ZDHHC14: variants seen among roughly 807,000 people sequenced by gnomAD.
ZDHHC14 encodes palmitoyltransferase ZDHHC14.
Under a neutral mutation model 47.7 loss-of-function variants are expected in ZDHHC14, and 16 were observed. The ratio of observed to expected loss-of-function variants is 0.34; its 90% CI spans 0.23 to 0.51. The LOEUF is 0.51. Among genes scored for constraint, ZDHHC14 ranks in the 20% least tolerant of loss-of-function variants. The pLI, the probability that ZDHHC14 is intolerant of heterozygous loss-of-function variation, is 0.97. For synonymous variants in ZDHHC14, 293 were observed against 278.9 expected, an observed-to-expected ratio of 1.05 and a Z score of -0.50; for missense variants, 515 against 662.5, an observed-to-expected ratio of 0.78 and a Z score of 2.44.
intron 8 of ZDHHC14, among the ~76,000 whole-genome samples, chr6:157,668,814 C>T (rs543173433): frequency 6.6e-6 from 1 of 152,366 alleles, no homozygotes; most frequent in South Asian, 2.1e-4. Context: ...AACTCAAGAG[C>T]ATTTCCAACA....
Position 157,676,314 on chromosome 6 carries a change from T to G in ZDHHC14, c.*3192T>G, listed in dbSNP as rs10945717. On this transcript the variant is annotated 3_prime_UTR_variant, in exon 9 of 9. Transcript: ENST00000359775. ...GCTTTCAAATGTGATGATTTCAGCC[T>G]GTGAGGACAATGCCATGTCCCCACC... The G allele has an allele frequency of 0.021, 3,182 of 152,438 alleles. 74 individuals are homozygous for G. Among genetic ancestry groups the G allele is most frequent in the East Asian group, 0.1 (530 of 5,198 alleles). 9.4% of individuals were successfully genotyped at this position (152,438 alleles called of 1,614,324 possible).
chr6:157,672,267 A>G (rs1197740478), intron 8 of ZDHHC14, among the ~76,000 whole-genome samples: 1 of 152,008 alleles, frequency 6.6e-6, no homozygotes, highest in Admixed American at 6.5e-5. Flanking sequence ...GTCACTTTTG[A>G]CTTTTGACTT....
intron 1 of ZDHHC14, among the ~76,000 whole-genome samples, chr6:157,532,020 G>A (rs1025256212): frequency 6.6e-6 from 1 of 152,248 alleles, no homozygotes; most frequent in African/African-American, 2.4e-5. Flanking sequence ...CCCACCCTGG[G>A]TGAGCAATTG....
chr6:157,635,654 C>T (rs1484853805), intron 5 of ZDHHC14, among the ~76,000 whole-genome samples: 1 of 152,196 alleles, frequency 6.6e-6, no homozygotes, highest in South Asian at 2.1e-4. Flanking sequence ...CGTCTGCACG[C>T]TGCATGGTGT....
chr6:157,541,569 T>C (rs755977712), intron 1 of ZDHHC14, among the ~76,000 whole-genome samples: 3 of 152,200 alleles, frequency 2.0e-5, no homozygotes, highest in Non-Finnish European at 2.9e-5. Flanking sequence ...CTAGCATTGT[T>C]TTCCACGCCA....
chr6:157,587,908 C>G (rs991229137), intron 2 of ZDHHC14, among the ~76,000 whole-genome samples: 7 of 152,126 alleles, frequency 4.6e-5, no homozygotes, highest in African/African-American at 1.4e-4. Flanking sequence ...TAGCTTGAGG[C>G]CAGTTGCTTG....
intron 8 of ZDHHC14, among the ~76,000 whole-genome samples, chr6:157,659,652 C>T (rs1166048740): frequency 2.0e-5 from 3 of 152,200 alleles, no homozygotes; most frequent in Non-Finnish European, 2.9e-5. Flanking sequence ...AACGGTTTTC[C>T]GGTCTCTGAT....
intron 1 of ZDHHC14, among the ~76,000 whole-genome samples, chr6:157,522,591 G>C (rs1780962565): frequency 6.6e-6 from 1 of 151,802 alleles, no homozygotes; most frequent in African/African-American, 2.4e-5. Flanking sequence ...TTAGTGGTAT[G>C]GGTTGGTCCC....
At chr6:157,479,988 G>T (rs570967688) in intron 1 of ZDHHC14, among the ~76,000 whole-genome samples, 53 of 152,338 alleles carry the variant, frequency 3.5e-4, no homozygotes, top group South Asian at 1.9e-3. Flanking sequence ...GATCCTCGAG[G>T]GGGTAGGGGA....
intron 1 of ZDHHC14, among the ~76,000 whole-genome samples, chr6:157,452,194 G>C (rs1170819703): frequency 6.6e-6 from 1 of 151,902 alleles, no homozygotes; most frequent in East Asian, 1.9e-4. Flanking sequence ...AGTTTAACCG[G>C]TATTTCCTAA....
At position 157,621,854 on chromosome 6, in the gene ZDHHC14, C is replaced by A. The variant is rs568732355; in HGVS notation, c.566-6495C>A. Reference sequence around the variant, plus strand: ...TCTGCTTCTCCATATTTTTAAGGCCCCTTTTTCATATTTGATCTCTTCCAG... The same window carrying A: ...TCTGCTTCTCCATATTTTTAAGGCCACTTTTTCATATTTGATCTCTTCCAG... On this transcript the variant is annotated intron_variant, in intron 3 of 8. Coordinates refer to ENST00000359775, the MANE Select transcript of ZDHHC14 (RefSeq NM_024630.3). Among the ~76,000 whole-genome samples, 42 of 152,196 alleles carry A rather than the reference C, an allele frequency of 2.8e-4. No individual in the cohort carries two copies. In the South Asian group the frequency reaches 8.5e-3, roughly 31 times the overall value.
At chr6:157,536,296 C>T (rs1218476576) in intron 1 of ZDHHC14, among the ~76,000 whole-genome samples, 5 of 152,206 alleles carry the variant, frequency 3.3e-5, no homozygotes, top group East Asian at 3.8e-4. Flanking sequence ...TGCTTTCATA[C>T]GTACAGGACA....
intron 1 of ZDHHC14, among the ~76,000 whole-genome samples, chr6:157,495,210 T>G (rs1456055550): frequency 6.6e-6 from 1 of 152,220 alleles, no homozygotes; most frequent in Admixed American, 6.5e-5. Flanking sequence ...CTTCTATTTT[T>G]TGGAGAATTT....
chr6:157,518,102 T>A (rs1030758356), intron 1 of ZDHHC14, among the ~76,000 whole-genome samples: 31 of 152,070 alleles, frequency 2.0e-4, no homozygotes, highest in African/African-American at 7.5e-4. Flanking sequence ...GCTTTGTTTA[T>A]TTTCCTGAAG....
At chr6:157,428,627 G>A (rs1244746643) in intron 1 of ZDHHC14, among the ~76,000 whole-genome samples, 3 of 59,858 alleles carry the variant, frequency 5.0e-5, no homozygotes, top group African/African-American at 1.9e-4. Context: ...CCCCCCGCCC[G>A]CCCCACCCCG....
chr6:157,386,682 G>C (rs1777317999), intron 1 of ZDHHC14, among the ~76,000 whole-genome samples: 1 of 152,264 alleles, frequency 6.6e-6, no homozygotes, highest in South Asian at 2.1e-4. Flanking sequence ...TTTAGGGGAG[G>C]TGGGGAGCCG....
At chr6:157,545,443 G>A (rs192501700) in intron 2 of ZDHHC14, among the ~76,000 whole-genome samples, 2,191 of 152,084 alleles carry the variant, frequency 0.014, 68 homozygotes, top group African/African-American at 0.049. Flanking sequence ...TTGGGAGGCC[G>A]AGGCAGGCAG....
intron 2 of ZDHHC14, among the ~76,000 whole-genome samples, chr6:157,556,366 C>T (rs189687811): frequency 6.0e-4 from 91 of 152,298 alleles, no homozygotes; most frequent in African/African-American, 2.0e-3. Context: ...GCCCTCTAAG[C>T]CAGAGGCTAC....
chr6:157,510,793 A>G (rs772607199), intron 1 of ZDHHC14, among the ~76,000 whole-genome samples: 9 of 152,236 alleles, frequency 5.9e-5, no homozygotes, highest in Non-Finnish European at 1.0e-4. Context: ...TTCATTGCGC[A>G]GAGCTCCACC....
Sources: allele counts gnomAD v4.1 joint callset (sites outside exome capture counted in the v4.1 genomes callset), GRCh38; gene constraint gnomAD v4.1.1; transcripts MANE v1.5; gene names NCBI Gene and HGNC (gene_info 2026-07-23, HGNC 2026-07-21).